Variants in RTF1 observed in about 807,000 individuals in gnomAD.
The protein encoded by RTF1 is RNA polymerase-associated protein RTF1 homolog.
In RTF1, 10 loss-of-function variants were observed where a neutral mutation model predicts 95.7. The observed-to-expected ratio is 0.10, with a 90% CI of 0.06 to 0.18. The LOEUF is 0.18. Among genes scored for constraint, RTF1 ranks in the 10% least tolerant of loss-of-function variants. The pLI is 1.00. For synonymous variants in RTF1, 305 were observed against 311.8 expected (o/e 0.98, Z 0.23); for missense variants, 458 against 875.6 (o/e 0.52, Z 6.02).
At chr15:41,434,317 CTGATACATTCATACAG>C (rs1236658201) in intron 1 of RTF1, among the ~76,000 whole-genome samples, 1 of 152,108 alleles carries the variant, frequency 6.6e-6, no homozygotes, top group East Asian at 1.9e-4. Flanking sequence ...GTTCAACAAA[CTGATACATTCATACAG>C]TGGAATACTA....
chr15:41,473,223 T>C (rs999096551), intron 8 of RTF1, among the ~76,000 whole-genome samples: 19 of 151,816 alleles, frequency 1.3e-4, no homozygotes, highest in African/African-American at 4.6e-4. Flanking sequence ...AAGCTCCCAC[T>C]CCTGGGTTCA....
chr15:41,445,417 A>G (rs1423704810), intron 2 of RTF1, among the ~76,000 whole-genome samples: 2 of 152,170 alleles, frequency 1.3e-5, no homozygotes, highest in African/African-American at 2.4e-5. Context: ...CTAACAGTGT[A>G]ATGTAGTATT....
chr15:41,441,999 C>G (rs1444506235), intron 2 of RTF1, among the ~76,000 whole-genome samples: 2 of 152,122 alleles, frequency 1.3e-5, no homozygotes, highest in African/African-American at 2.4e-5. Flanking sequence ...CAGAAAATAA[C>G]TATTAAAATC....
rs2050938218 is a variant in RTF1 at position 41,475,591 on chromosome 15, G to A, written c.1353G>A (p.Glu451=). The A allele has an allele frequency of 6.2e-7, 1 of 1,614,126 alleles. No individual in the cohort carries two copies. The highest frequency in any genetic ancestry group is 8.5e-7 in the Non-Finnish European group (1 of 1,180,008). The stretch of plus-strand genomic sequence containing the variant: ...CAAACCAAGAATTCACCGAAAGTGA[G>A]TTTATGAAGTGGAAAGAAGCGGTAC... The part of the protein sequence containing the change: ...FVSNQEFTES[E]FMKWKEAMFS... The change falls in exon 10 of 18, where the codon GAG becomes GAA. Residue 451 remains glutamate (E), a synonymous_variant. Transcript: ENST00000389629.
rs531769133 is a variant in RTF1 at position 41,474,452 on chromosome 15, A to G, written c.1204-168A>G. On this transcript the variant is annotated intron_variant, in intron 8 of 17. Coordinates refer to ENST00000389629, the MANE Select transcript of RTF1 (RefSeq NM_015138.5). ...GGCACAAGGCTCCCTGTGCTTGGCC[A>G]TCTGGATTCTAAACCTGAGAAACCT... The G allele has an allele frequency of 6.3e-5, 38 of 607,014 alleles. No individual in the cohort carries two copies. In the South Asian group the frequency reaches 7.6e-4, roughly 12 times the overall value. The allele number at this position is 607,014 out of a possible 1,614,324, so 37.6% of individuals were successfully genotyped here.
chr15:41,457,887 C>T lies in RTF1; in HGVS notation c.662+11C>T. The T allele has an allele frequency of 1.2e-6, 2 of 1,607,652 alleles. No individual in the cohort carries two copies. Among genetic ancestry groups the T allele is most frequent in the Non-Finnish European group, 1.7e-6 (2 of 1,177,590 alleles). On this transcript the variant is annotated intron_variant, in intron 4 of 17. Coordinates refer to ENST00000389629, the MANE Select transcript of RTF1 (RefSeq NM_015138.5). ...GGTGTTGAAAAGAAGGTAAGGTTGTCCTCGTCGTTGTCCCCCCCCCGCCCC... is the reference window on the plus strand; with the variant it reads ...GGTGTTGAAAAGAAGGTAAGGTTGTTCTCGTCGTTGTCCCCCCCCCGCCCC...
At chr15:41,440,528 T>C (rs1001453344) in intron 2 of RTF1, among the ~76,000 whole-genome samples, 2 of 139,662 alleles carry the variant, frequency 1.4e-5, no homozygotes, top group East Asian at 2.2e-4. Context: ...TCTCGCTCTG[T>C]TGCCAGGCTG....
At chr15:41,477,066 A>C (rs2050945203) in intron 12 of RTF1, 99 bp from the exon 13 acceptor site, 1 of 1,484,824 alleles carries the variant, frequency 6.7e-7, no homozygotes, top group African/African-American at 1.4e-5. Context: ...TTTGCTCACC[A>C]CATGAGATAT....
At position 41,438,426 on chromosome 15, in the gene RTF1, G is replaced by T; in HGVS notation, c.304G>T (p.Asp102Tyr). The T allele has an allele frequency of 6.5e-7, 1 of 1,548,956 alleles. No individual in the cohort carries two copies. ...SSDSETSDSD[D>Y]EWTFGSNKNK... ...AGACTCGGAGACGTCTGACAGTGAC[G>T]ATGAGGTGGGTGTGGAGGGCCTCGG... The change falls in exon 2 of 18, where the codon GAT (aspartate) becomes TAT (tyrosine). Residue 102 changes from aspartate (D) to tyrosine (Y), a missense_variant. By Grantham distance (160) the Asp-to-Tyr change is radical. Around this residue, in one of 11 missense-constraint regions of RTF1, gnomAD observed 44 missense variants for 99.5 expected, o/e 0.44. Coordinates refer to ENST00000389629, the MANE Select transcript of RTF1 (RefSeq NM_015138.5).
At chr15:41,426,227 G>A (rs1021340539) in intron 1 of RTF1, among the ~76,000 whole-genome samples, 2 of 152,020 alleles carry the variant, frequency 1.3e-5, no homozygotes. Context: ...GGGTTCAAGC[G>A]ATTCTCGTGC....
chr15:41,425,382 AG>A (rs2050623874), intron 1 of RTF1, among the ~76,000 whole-genome samples: 1 of 152,120 alleles, frequency 6.6e-6, no homozygotes, highest in South Asian at 2.1e-4. Context: ...CTGGGATTAC[AG>A]GTGTGAGCCA....
intron 1 of RTF1, among the ~76,000 whole-genome samples, chr15:41,422,836 C>T (rs539975990): frequency 4.6e-5 from 7 of 152,218 alleles, no homozygotes; most frequent in African/African-American, 1.4e-4. Context: ...AGTGCAGTGG[C>T]GCGATCTTGG....
chr15:41,446,238 CT>C (rs1272570324), intron 2 of RTF1, among the ~76,000 whole-genome samples: 4 of 152,016 alleles, frequency 2.6e-5, no homozygotes, highest in African/African-American at 7.2e-5. Flanking sequence ...ATCATCTGAA[CT>C]TTTTTTCCCC....
intron 1 of RTF1, among the ~76,000 whole-genome samples, chr15:41,437,903 C>G (rs1297608668): frequency 1.3e-5 from 2 of 152,118 alleles, no homozygotes; most frequent in Non-Finnish European, 2.9e-5. Flanking sequence ...AGTTTGTAAG[C>G]TTATTCAAAA....
At chr15:41,450,486 G>A (rs1466397039) in intron 2 of RTF1, among the ~76,000 whole-genome samples, 1 of 151,958 alleles carries the variant, frequency 6.6e-6, no homozygotes, top group African/African-American at 2.4e-5. Context: ...TCGGGAGGCT[G>A]AGGCAGGACA....
At chr15:41,460,654 C>T (rs316610) in intron 4 of RTF1, among the ~76,000 whole-genome samples, 51,833 of 151,650 alleles carry the variant, frequency 0.34, 9,001 homozygotes, top group African/African-American at 0.4. Context: ...TTTCACCTTA[C>T]GTGAATGAGA....
At chr15:41,418,112 T>C (rs748232933) in intron 1 of RTF1, among the ~76,000 whole-genome samples, 1 of 152,212 alleles carries the variant, frequency 6.6e-6, no homozygotes, top group Non-Finnish European at 1.5e-5. Context: ...GGCCTCAGTG[T>C]CTTGGGGTTG....
At chr15:41,446,032 C>A (rs1458794411) in intron 2 of RTF1, among the ~76,000 whole-genome samples, 1 of 152,172 alleles carries the variant, frequency 6.6e-6, no homozygotes, top group African/African-American at 2.4e-5. Flanking sequence ...TGAGCCACCA[C>A]ACCCAGCTTC....
intron 1 of RTF1, among the ~76,000 whole-genome samples, chr15:41,431,837 G>C (rs1044737790): frequency 4.0e-5 from 6 of 148,496 alleles, no homozygotes; most frequent in African/African-American, 1.5e-4. Flanking sequence ...GTCTCCCTCT[G>C]TTGCTCAGGC....
Sources: gnomAD v4.1 joint callset for allele counts (sites outside exome capture counted in the v4.1 genomes callset) on GRCh38, gnomAD v4.1.1 for gene constraint, gnomAD v4.1.1 regional missense constraint, MANE v1.5 for transcripts, NCBI Gene and HGNC (gene_info 2026-07-23, HGNC 2026-07-21) for gene names.